MECOM: variants seen among roughly 807,000 people sequenced by gnomAD.
The protein encoded by MECOM is histone-lysine N-methyltransferase MECOM.
A neutral mutation model predicts 116.3 loss-of-function variants in MECOM; 13 were observed. That is an observed-to-expected ratio of 0.11 (90% confidence interval 0.07 to 0.18). MECOM has a LOEUF of 0.18. Ranked by LOEUF, MECOM falls within the 10% of genes least tolerant of loss-of-function variation. MECOM has a pLI of 1.00. For missense variants in MECOM, 1,299 were observed against 1,509.0 expected, an observed-to-expected ratio of 0.86 and a Z score of 2.31; for synonymous variants, 528 against 535.2, an observed-to-expected ratio of 0.99 and a Z score of 0.19.
At chr3:169,263,077 C>CTCTA (rs1757751466) in intron 2 of MECOM, among the ~76,000 whole-genome samples, 1 of 32,914 alleles carries the variant, frequency 3.0e-5, no homozygotes, top group African/African-American at 1.0e-4. Flanking sequence ...TTTCAAGATG[C>CTCTA]TATATATATA....
chr3:169,508,616 AATG>A (rs756106832), intron 1 of MECOM, among the ~76,000 whole-genome samples: 3 of 152,212 alleles, frequency 2.0e-5, no homozygotes, highest in Non-Finnish European at 2.9e-5. Flanking sequence ...TAAGTGTGGT[AATG>A]ATAAGAAACT....
chr3:169,224,244 G>A (rs572280124), intron 2 of MECOM, among the ~76,000 whole-genome samples: 27 of 152,250 alleles, frequency 1.8e-4, no homozygotes, highest in Non-Finnish European at 2.9e-4. Context: ...CAACAATACT[G>A]TTACTGTGTT....
intron 1 of MECOM, among the ~76,000 whole-genome samples, chr3:169,523,808 A>ATT (rs1434912247): frequency 6.6e-6 from 1 of 151,676 alleles, no homozygotes. Flanking sequence ...CATACCTTCT[A>ATT]TTATATATAT....
intron 1 of MECOM, among the ~76,000 whole-genome samples, chr3:169,663,005 C>G (rs1342336614): frequency 2.0e-5 from 3 of 146,998 alleles, no homozygotes; most frequent in Non-Finnish European, 4.5e-5. Context: ...CCCACCCCAC[C>G]CCTTCGCGCT....
At chr3:169,121,662 C>T (rs16853194) in intron 6 of MECOM, among the ~76,000 whole-genome samples, 3,636 of 152,236 alleles carry the variant, frequency 0.024, 52 homozygotes, top group South Asian at 0.067. Context: ...TTCTAACACT[C>T]TTTCAGTGAG....
At chr3:169,502,257 T>C (rs1201048910) in intron 1 of MECOM, among the ~76,000 whole-genome samples, 1 of 152,136 alleles carries the variant, frequency 6.6e-6, no homozygotes, top group Non-Finnish European at 1.5e-5. Context: ...GAGTCCTTTC[T>C]GTGAACTTGA....
At chr3:169,530,635 TAGAG>T (rs1462063173) in intron 1 of MECOM, among the ~76,000 whole-genome samples, 1 of 151,242 alleles carries the variant, frequency 6.6e-6, no homozygotes, top group South Asian at 2.1e-4. Context: ...GTCAGCAGGG[TAGAG>T]AGAGAGAGGA....
rs188846202 is a variant in MECOM, at chr3:169,434,911, T to A, written c.38-53387A>T. Among the ~76,000 whole-genome samples, 311 of 152,336 alleles carry A rather than the reference T, an allele frequency of 2.0e-3. 4 individuals are homozygous for A. The highest frequency in any genetic ancestry group is 6.9e-3 in the African/African-American group (289 of 41,586). On this transcript the variant is annotated intron_variant, in intron 1 of 16. Transcript: ENST00000651503. ...ACTTCATTACATCATTTTATAGTTA[T>A]AAACCCTGACCACTATAATTCTTGG...
chr3:169,315,184 CCCA>C (rs753811990), intron 2 of MECOM, among the ~76,000 whole-genome samples: 5 of 152,148 alleles, frequency 3.3e-5, no homozygotes, highest in Non-Finnish European at 7.4e-5. Context: ...ACAGGGCTTT[CCCA>C]CATCTCCCAT....
intron 1 of MECOM, among the ~76,000 whole-genome samples, chr3:169,454,731 G>A (rs578260159): frequency 1.3e-5 from 2 of 152,172 alleles, no homozygotes; most frequent in Non-Finnish European, 2.9e-5. Flanking sequence ...ACTGAAAAGT[G>A]ACCACTTTCT....
At chr3:169,612,346 T>C (rs1312362660) in intron 1 of MECOM, among the ~76,000 whole-genome samples, 1 of 152,202 alleles carries the variant, frequency 6.6e-6, no homozygotes, top group Non-Finnish European at 1.5e-5. Flanking sequence ...AAATGGAATC[T>C]TGACATTGCT....
chr3:169,272,872 G>A (rs553229417), intron 2 of MECOM, among the ~76,000 whole-genome samples: 5 of 152,292 alleles, frequency 3.3e-5, no homozygotes, highest in Non-Finnish European at 7.3e-5. Flanking sequence ...CTGGCTGGGT[G>A]CAGGAGGTCT....
intron 1 of MECOM, among the ~76,000 whole-genome samples, chr3:169,441,897 A>ATGTTT (rs1449168080): frequency 6.9e-4 from 104 of 149,958 alleles, no homozygotes; most frequent in African/African-American, 2.2e-3. Flanking sequence ...CGCCTGGCTA[A>ATGTTT]TGTTTTGTTT....
chr3:169,263,342 A>G (rs1431081236), intron 2 of MECOM, among the ~76,000 whole-genome samples: 3 of 151,070 alleles, frequency 2.0e-5, no homozygotes, highest in African/African-American at 7.3e-5. Flanking sequence ...GTTAGCCAAG[A>G]TGGTCTCGAT....
At chr3:169,227,628 C>G (rs1752895992) in intron 2 of MECOM, among the ~76,000 whole-genome samples, 6 of 152,158 alleles carry the variant, frequency 3.9e-5, no homozygotes, top group Admixed American at 3.3e-4. Context: ...TTTGCCTTTC[C>G]TGAATGGCAG....
chr3:169,649,611 T>C (rs1278507211), intron 1 of MECOM, among the ~76,000 whole-genome samples: 1 of 152,126 alleles, frequency 6.6e-6, no homozygotes, highest in Non-Finnish European at 1.5e-5. Context: ...TAGGATTTAA[T>C]TCATCATGCC....
chr3:169,343,813 A>G (rs937421772), intron 2 of MECOM, among the ~76,000 whole-genome samples: 3 of 152,192 alleles, frequency 2.0e-5, no homozygotes, highest in African/African-American at 2.4e-5. Context: ...TTAAGGAGAT[A>G]AAATGCTTAT....
intron 11 of MECOM, among the ~76,000 whole-genome samples, 193 bp from the exon 12 acceptor site, chr3:169,101,155 T>A (rs1283737562): frequency 1.3e-5 from 2 of 152,216 alleles, no homozygotes; most frequent in Non-Finnish European, 2.9e-5. Context: ...AAAGACTGCA[T>A]TCTAAGATCT....
At chr3:169,100,119 GAC>G (rs1723078610) in intron 12 of MECOM, among the ~76,000 whole-genome samples, 1 of 19,806 alleles carries the variant, frequency 5.0e-5, no homozygotes, top group Non-Finnish European at 1.1e-4. Flanking sequence ...TTTTTTTTTT[GAC>G]AGAGTCTCAC....
Sources: gnomAD v4.1 joint callset for allele counts (sites outside exome capture counted in the v4.1 genomes callset) on GRCh38, gnomAD v4.1.1 for gene constraint, MANE v1.5 for transcripts, NCBI Gene and HGNC (gene_info 2026-07-23, HGNC 2026-07-21) for gene names.